Variants in AKR1A1 observed in about 807,000 individuals in gnomAD.
AKR1A1 encodes the protein HEL-S-165mP.
Under a neutral mutation model 39.2 loss-of-function variants are expected in AKR1A1, and 26 were observed. The ratio of observed to expected loss-of-function variants is 0.66; its 90% CI spans 0.49 to 0.92. The LOEUF (loss-of-function observed/expected upper bound fraction) is 0.92. Ranked by LOEUF, AKR1A1 falls within the 40% of genes least tolerant of loss-of-function variation. The probability of loss-of-function intolerance (pLI) is 0.00; values close to 1 mark genes in which losing one functional copy is unlikely to be tolerated. For synonymous variants in AKR1A1, 141 were observed against 155.5 expected, an observed-to-expected ratio of 0.91 and a Z score of 0.69; for missense variants, 378 against 406.5, an observed-to-expected ratio of 0.93 and a Z score of 0.60.
rs932869619 is a variant in AKR1A1 at position 45,568,287 on chromosome 1, G to A, written c.552+110G>A. ...TAGCTAGCAAGTTGTCAGAGTGTTG[G>A]TGCAGAAGTCCTCTGCATAAAGGTG... On this transcript the variant is annotated intron_variant, in intron 5 of 8. Coordinates refer to ENST00000351829, the MANE Select transcript of AKR1A1 (RefSeq NM_153326.3). 2.4e-4 allele frequency: 323 copies of A among 1,340,400 alleles called. No individual in the cohort carries two copies. In the African/African-American group the frequency reaches 3.7e-3, roughly 15 times the overall value. 83.0% of individuals were successfully genotyped at this position (1,340,400 alleles called of 1,614,324 possible). A position where few individuals can be genotyped will look rare whatever the true frequency, so the allele number is the denominator to read the frequency against.
intron 1 of AKR1A1, among the ~76,000 whole-genome samples, chr1:45,558,588 C>T (rs1175480780): frequency 6.6e-6 from 1 of 151,246 alleles, no homozygotes; most frequent in African/African-American, 2.4e-5. Context: ...TTAGGAGAGA[C>T]GGGGTTTCAC....
At chr1:45,560,383 T>G (rs921045437) in intron 1 of AKR1A1, among the ~76,000 whole-genome samples, 1 of 152,198 alleles carries the variant, frequency 6.6e-6, no homozygotes, top group Non-Finnish European at 1.5e-5. Context: ...GGTGCTGAAG[T>G]GGCTGGATAG....
intron 2 of AKR1A1, among the ~76,000 whole-genome samples, chr1:45,563,519 G>A (rs1644304331): frequency 6.6e-6 from 1 of 152,214 alleles, no homozygotes; most frequent in South Asian, 2.1e-4. Flanking sequence ...GCTGGGTGTG[G>A]TGGCTCATGC....
intron 4 of AKR1A1, 89 bp downstream of exon 4, chr1:45,567,109 G>C: frequency 6.6e-7 from 1 of 1,513,926 alleles, no homozygotes; most frequent in Non-Finnish European, 8.9e-7. Flanking sequence ...AGCAGAGCAG[G>C]ATAGGAACAC....
In AKR1A1 at chr1:45,563,564, C is replaced by T. The variant is rs578126418; in HGVS notation, c.84+1686C>T. Among the ~76,000 whole-genome samples the T allele has an allele frequency of 5.3e-5, 8 of 151,656 alleles. 1 individual carries two copies. Among genetic ancestry groups the T allele is most frequent in the Non-Finnish European group, 1.0e-4 (7 of 67,918 alleles). ...CAGCACTTTGGGAGGCTGAGGCAGG[C>T]GGATCACCTGAGGTTGGGAGTTCGA... On this transcript the variant is annotated intron_variant, in intron 2 of 8. Coordinates refer to ENST00000351829, the MANE Select transcript of AKR1A1 (RefSeq NM_153326.3).
Position 45,567,009 on chromosome 1 carries a change from T to C in AKR1A1, c.345T>C (p.Pro115=), listed in dbSNP as rs758878562. 6.2e-7 allele frequency: 1 copy of C among 1,613,976 alleles called. No individual in the cohort carries two copies. The highest frequency in any genetic ancestry group is 1.1e-5 in the South Asian group (1 of 91,054). ...TGGACCTGTACCTGATGCACTGGCC[T>C]TATGCCTTTGAGTGAGCCTTGCCAG... is the stretch of plus-strand genomic sequence containing the variant. The part of the protein sequence containing the change: ...EYLDLYLMHW[P]YAFERGDNPF... The change falls in exon 4 of 9, where the codon CCT becomes CCC. Residue 115 remains proline (P), a synonymous_variant. Transcript: ENST00000351829.
intron 1 of AKR1A1, among the ~76,000 whole-genome samples, chr1:45,556,083 A>C (rs546989167): frequency 2.2e-4 from 33 of 152,266 alleles, no homozygotes; most frequent in Non-Finnish European, 4.3e-4. Context: ...TGCAGCTAGG[A>C]AACACTCATG....
chr1:45,559,882 T>G (rs1373843226), intron 1 of AKR1A1, among the ~76,000 whole-genome samples: 1 of 151,844 alleles, frequency 6.6e-6, no homozygotes, highest in Non-Finnish European at 1.5e-5. Flanking sequence ...CTCTTGACCT[T>G]GTGATCCGCC....
At chr1:45,558,263 C>T (rs3014220) in intron 1 of AKR1A1, among the ~76,000 whole-genome samples, 75,049 of 151,194 alleles carry the variant, frequency 0.5, 18,778 homozygotes, top group East Asian at 0.62. Flanking sequence ...GGGTCTCGCT[C>T]TGTTACCCAG....
chr1:45,559,787 ATAG>A (rs1444742056), intron 1 of AKR1A1, among the ~76,000 whole-genome samples: 2 of 145,344 alleles, frequency 1.4e-5, no homozygotes, highest in Non-Finnish European at 3.0e-5. Context: ...AGCTGGGATT[ATAG>A]GCACCCGCCA....
intron 8 of AKR1A1, among the ~76,000 whole-genome samples, chr1:45,569,631 A>T (rs1232466112): frequency 6.6e-6 from 1 of 152,156 alleles, no homozygotes; most frequent in African/African-American, 2.4e-5. Context: ...TACTTAGGGA[A>T]ATAAATGGTT....
Position 45,569,129 on chromosome 1 carries a change from C to T in AKR1A1, c.826-14C>T. On this transcript the variant is annotated splice_polypyrimidine_tract_variant and intron_variant, in intron 7 of 8. Coordinates refer to ENST00000351829, the MANE Select transcript of AKR1A1 (RefSeq NM_153326.3). ...ACAAAGCTGGCTTTCTTGAACCCCA[C>T]TCTCCATCCTCAGGTGTTTGACTTC... The T allele has an allele frequency of 6.2e-7, 1 of 1,613,404 alleles. No individual in the cohort carries two copies.
intron 2 of AKR1A1, among the ~76,000 whole-genome samples, chr1:45,564,201 T>C (rs978448581): frequency 3.3e-5 from 5 of 152,162 alleles, no homozygotes; most frequent in African/African-American, 1.2e-4. Flanking sequence ...TCCCTGTGCT[T>C]TAGGCAGGCA....
intron 1 of AKR1A1, among the ~76,000 whole-genome samples, chr1:45,554,908 C>T (rs940583091): frequency 1.3e-5 from 2 of 152,066 alleles, no homozygotes; most frequent in African/African-American, 4.8e-5. Flanking sequence ...CCAGGCTGGT[C>T]TCGAACTCCT....
intron 5 of AKR1A1, 119 bp downstream of exon 5, chr1:45,568,296 T>A: frequency 2.3e-6 from 3 of 1,285,032 alleles, no homozygotes; most frequent in South Asian, 1.4e-5. Context: ...GGTGCAGAAG[T>A]CCTCTGCATA....
At position 45,566,632 on chromosome 1, in the gene AKR1A1, T is replaced by G. The variant is rs1309746166; in HGVS notation, c.148T>G (p.Tyr50Asp). The stretch of plus-strand genomic sequence containing the variant: ...CCGCCACATTGATTGTGCTGCTATC[T>G]ACGGCAATGAGCCTGAGATTGGGGA... ...GYRHIDCAAI[Y>D]GNEPEIGEAL... Residue 50 changes from tyrosine (Y) to aspartate (D), a missense_variant, in exon 3 of 9, where the codon TAC (tyrosine) becomes GAC (aspartate). Transcript: ENST00000351829. 1 of 1,614,132 alleles carries G rather than the reference T, an allele frequency of 6.2e-7. No individual in the cohort carries two copies. Among genetic ancestry groups the G allele is most frequent in the African/African-American group, 1.3e-5 (1 of 74,956 alleles).
intron 8 of AKR1A1, 52 bp downstream of exon 8, chr1:45,569,281 A>C: frequency 1.3e-6 from 2 of 1,499,290 alleles, no homozygotes; most frequent in Non-Finnish European, 1.9e-6. Flanking sequence ...TTGGGGTGGG[A>C]TTCTGGCCCA....
chr1:45,568,238 G>A, intron 5 of AKR1A1, 61 bp downstream of exon 5: 1 of 1,529,976 alleles, frequency 6.5e-7, no homozygotes, highest in South Asian at 1.2e-5. Flanking sequence ...TGAGGGAGCA[G>A]ACGATGGATC....
intron 1 of AKR1A1, among the ~76,000 whole-genome samples, chr1:45,558,395 ATT>A (rs35421063): frequency 0.018 from 2,091 of 119,052 alleles, 26 homozygotes; most frequent in African/African-American, 0.037. Context: ...CGCCCAGCTA[ATT>A]TTTTTTTTTT....
Sources: allele counts gnomAD v4.1 joint callset (sites outside exome capture counted in the v4.1 genomes callset), GRCh38; gene constraint gnomAD v4.1.1; transcripts MANE v1.5; gene names NCBI Gene and HGNC (gene_info 2026-07-23, HGNC 2026-07-21).